The following DTD1 variants were observed in gnomAD, a reference collection of about 807,000 sequenced individuals.
The protein encoded by DTD1 is D-tyrosyl-tRNA deacylase 1 homolog.
A neutral mutation model predicts 25.6 loss-of-function variants in DTD1; 13 were observed. The observed-to-expected ratio is 0.51, with a 90% CI of 0.33 to 0.81. The LOEUF is 0.81. Among genes scored for constraint, DTD1 ranks in the 30% least tolerant of loss-of-function variants. DTD1 has a pLI of 0.02. For synonymous variants in DTD1, 110 were observed against 103.6 expected, an observed-to-expected ratio of 1.06 and a Z score of -0.37; for missense variants, 193 against 266.4, an observed-to-expected ratio of 0.72 and a Z score of 1.92.
chr20:18,711,495 TG>T (rs1356436883), intron 4 of DTD1, among the ~76,000 whole-genome samples: 2 of 152,158 alleles, frequency 1.3e-5, no homozygotes, highest in African/African-American at 4.8e-5. Context: ...TCTTAACAAC[TG>T]TTGTTTCTTA....
rs547747703 is a variant in DTD1, at chr20:18,744,674, C to G, written c.*19+403C>G. 2.7e-5 allele frequency among the ~76,000 whole-genome samples: 4 copies of G among 146,900 alleles called. No homozygotes were observed. The East Asian group carries it at 8.1e-4, about 30-fold the overall frequency. On this transcript the variant is annotated intron_variant, in intron 5 of 5. Coordinates refer to ENST00000377452, the MANE Select transcript of DTD1 (RefSeq NM_080820.6). ...CAAAAAACAAGTGAAAGGGGTTTCCCCTTATAAAACCATCAGCTCTTGTGA... is the reference window on the plus strand; with the variant it reads ...CAAAAAACAAGTGAAAGGGGTTTCCGCTTATAAAACCATCAGCTCTTGTGA...
chr20:18,606,081 G>GA (rs2060655902), intron 3 of DTD1, among the ~76,000 whole-genome samples: 1 of 102,590 alleles, frequency 9.7e-6, no homozygotes, highest in Admixed American at 1.0e-4. Context: ...AAATTTACAA[G>GA]AAAAAAACAA....
At chr20:18,612,179 T>C (rs1042586218) in intron 3 of DTD1, among the ~76,000 whole-genome samples, 8 of 150,758 alleles carry the variant, frequency 5.3e-5, no homozygotes, top group South Asian at 2.1e-4. Context: ...GGACTACAGG[T>C]GCCCGCCACT....
At chr20:18,660,652 T>G (rs2060906470) in intron 4 of DTD1, among the ~76,000 whole-genome samples, 1 of 152,230 alleles carries the variant, frequency 6.6e-6, no homozygotes, top group Non-Finnish European at 1.5e-5. Context: ...ATCGGCTCAT[T>G]TTAGCAACTT....
intron 5 of DTD1, among the ~76,000 whole-genome samples, chr20:18,754,088 G>A (rs1164503342): frequency 6.6e-6 from 1 of 152,196 alleles, no homozygotes; most frequent in Non-Finnish European, 1.5e-5. Context: ...TTTTAACAGT[G>A]ATGTGGAGAA....
chr20:18,594,838 A>G (rs1322324241), intron 2 of DTD1, among the ~76,000 whole-genome samples: 1 of 152,244 alleles, frequency 6.6e-6, no homozygotes, highest in Non-Finnish European at 1.5e-5. Context: ...GCTCTGACAT[A>G]CTACAGAGCT....
At chr20:18,630,526 A>G (rs550941502) in intron 4 of DTD1, 1 of 151,808 alleles carries the variant, frequency 6.6e-6, no homozygotes, top group Non-Finnish European at 1.5e-5. Context: ...TGCCCGGCTA[A>G]TTTTTTTGTA....
chr20:18,696,950 C>T (rs1480507538), intron 4 of DTD1, among the ~76,000 whole-genome samples: 1 of 151,764 alleles, frequency 6.6e-6, no homozygotes, highest in African/African-American at 2.4e-5. Context: ...TTATTTAAAG[C>T]AGCCAGGTGC....
At chr20:18,636,416 A>G (rs2060807568) in intron 4 of DTD1, among the ~76,000 whole-genome samples, 1 of 152,218 alleles carries the variant, frequency 6.6e-6, no homozygotes, top group African/African-American at 2.4e-5. Flanking sequence ...TTGCCGAAAC[A>G]TTTGCTTTAG....
intron 4 of DTD1, among the ~76,000 whole-genome samples, chr20:18,740,787 G>T (rs1325341734): frequency 6.6e-6 from 1 of 152,128 alleles, no homozygotes; most frequent in Non-Finnish European, 1.5e-5. Flanking sequence ...GCAAGAAAGG[G>T]AATGAGACAG....
At chr20:18,672,961 G>A (rs899251190) in intron 4 of DTD1, among the ~76,000 whole-genome samples, 7 of 152,268 alleles carry the variant, frequency 4.6e-5, no homozygotes, top group Admixed American at 6.5e-5. Flanking sequence ...GGGCCCTGTC[G>A]TCCAGCTGGG....
chr20:18,589,740 A>T (rs1316541588), intron 1 of DTD1, among the ~76,000 whole-genome samples: 1 of 152,234 alleles, frequency 6.6e-6, no homozygotes, highest in Non-Finnish European at 1.5e-5. Context: ...CCATCCTGCT[A>T]ATCTGGAATA....
At chr20:18,600,451 A>G (rs2060629234) in intron 3 of DTD1, among the ~76,000 whole-genome samples, 1 of 152,108 alleles carries the variant, frequency 6.6e-6, no homozygotes, top group African/African-American at 2.4e-5. Context: ...GTTCTGTTCC[A>G]TTGGTCTGTT....
rs56350174 is a variant in DTD1 at position 18,686,646 on chromosome 20, CTGTGTG to C, written c.478-57429_478-57424del. Among the ~76,000 whole-genome samples, 645 of 149,044 alleles carry C rather than the reference CTGTGTG, an allele frequency of 4.3e-3. 2 individuals are homozygous for C. The highest frequency in any genetic ancestry group is 7.0e-3 in the Non-Finnish European group (471 of 67,220). ...AACCTTTTAAACATATATTTATTAG[CTGTGTG>C]TGTGTGTGTGTGTGTGTGTGTGTGG... On this transcript the variant is annotated intron_variant, in intron 4 of 5. Coordinates refer to ENST00000377452, the MANE Select transcript of DTD1 (RefSeq NM_080820.6).
At chr20:18,642,505 G>A (rs2060680337) in intron 4 of DTD1, among the ~76,000 whole-genome samples, 1 of 151,968 alleles carries the variant, frequency 6.6e-6, no homozygotes, top group Admixed American at 6.6e-5. Flanking sequence ...CTGGGCTCAA[G>A]CAATATTCCT....
intron 4 of DTD1, among the ~76,000 whole-genome samples, chr20:18,646,616 G>A (rs1007547432): frequency 3.3e-5 from 5 of 152,288 alleles, no homozygotes; most frequent in African/African-American, 7.2e-5. Flanking sequence ...TGGTGTTTTC[G>A]TGTGTCAGGT....
At chr20:18,642,923 TA>T (rs201613312) in intron 4 of DTD1, 1 of 152,156 alleles carries the variant, frequency 6.6e-6, no homozygotes, top group Non-Finnish European at 1.5e-5. Context: ...TCTTTTCTTT[TA>T]TTTTTTTTGA....
chr20:18,718,363 C>T (rs1046733266), intron 4 of DTD1, among the ~76,000 whole-genome samples: 7 of 152,168 alleles, frequency 4.6e-5, no homozygotes, highest in Non-Finnish European at 7.3e-5. Flanking sequence ...GTGTGGCAAC[C>T]AGAGGCAGCC....
At chr20:18,723,446 G>C (rs2061212712) in intron 4 of DTD1, among the ~76,000 whole-genome samples, 1 of 152,198 alleles carries the variant, frequency 6.6e-6, no homozygotes, top group South Asian at 2.1e-4. Flanking sequence ...TACCTACACT[G>C]CCTGTCCAAG....
Sources: gnomAD v4.1 joint callset for allele counts (sites outside exome capture counted in the v4.1 genomes callset) on GRCh38, gnomAD v4.1.1 for gene constraint, MANE v1.5 for transcripts, NCBI Gene and HGNC (gene_info 2026-07-23, HGNC 2026-07-21) for gene names.